LYST: variants seen among roughly 807,000 people sequenced by gnomAD.
LYST encodes lysosomal-trafficking regulator.
Under a neutral mutation model 413.6 loss-of-function variants are expected in LYST, and 192 were observed. The ratio of observed to expected loss-of-function variants is 0.46; its 90% CI spans 0.41 to 0.52. The LOEUF (loss-of-function observed/expected upper bound fraction) is 0.52, where lower values mean the gene tolerates loss of function less well. LYST is among the 20% of genes least tolerant of loss of function. LYST has a pLI of 0.00. For synonymous variants in LYST, 1,525 were observed against 1,567.3 expected (o/e 0.97, Z 0.64); for missense variants, 3,815 against 4,499.9 (o/e 0.85, Z 4.35).
intron 44 of LYST, among the ~76,000 whole-genome samples, chr1:235,706,798 G>A (rs1022889365): frequency 2.0e-5 from 3 of 151,902 alleles, no homozygotes; most frequent in Non-Finnish European, 4.4e-5. Context: ...CTCTTTTCTA[G>A]ATTATAAATC....
At chr1:235,704,527 T>A (rs990949532) in intron 44 of LYST, among the ~76,000 whole-genome samples, 19 of 152,252 alleles carry the variant, frequency 1.2e-4, no homozygotes, top group Admixed American at 6.5e-5. Context: ...CTTTTTTTCA[T>A]ATGTTTGTTG....
At chr1:235,832,025 C>G (rs1311658664) in intron 2 of LYST, among the ~76,000 whole-genome samples, 1 of 152,194 alleles carries the variant, frequency 6.6e-6, no homozygotes, top group African/African-American at 2.4e-5. Flanking sequence ...TGCCACAGCA[C>G]TTAAGAGTAC....
At chr1:235,801,461 C>T (rs1028005279) in intron 8 of LYST, among the ~76,000 whole-genome samples, 1 of 151,620 alleles carries the variant, frequency 6.6e-6, no homozygotes, top group Non-Finnish European at 1.5e-5. Context: ...AATTTGCCTA[C>T]CCAAATCTTT....
At chr1:235,802,004 G>GGCA (rs1280469498) in intron 8 of LYST, among the ~76,000 whole-genome samples, 6 of 151,908 alleles carry the variant, frequency 3.9e-5, no homozygotes, top group African/African-American at 1.5e-4. Context: ...GACTAGCCTG[G>GGCA]GCAACATGGT....
At chr1:235,835,879 C>A (rs997885401) in intron 1 of LYST, among the ~76,000 whole-genome samples, 1 of 152,114 alleles carries the variant, frequency 6.6e-6, no homozygotes, top group African/African-American at 2.4e-5. Flanking sequence ...TACTTTTTAC[C>A]TTTCATAGCT....
intron 17 of LYST, among the ~76,000 whole-genome samples, chr1:235,775,511 T>G (rs1410309422): frequency 3.3e-5 from 5 of 152,182 alleles, no homozygotes; most frequent in Non-Finnish European, 7.3e-5. Flanking sequence ...TGTCCTGCCT[T>G]GTATGTCAAT....
intron 1 of LYST, among the ~76,000 whole-genome samples, chr1:235,860,422 T>G (rs1004022014): frequency 4.6e-5 from 7 of 152,178 alleles, no homozygotes. Context: ...TATCGACAAA[T>G]GTATAATAAC....
chr1:235,833,694 C>A, intron 1 of LYST, 27 bp from the exon 2 acceptor site: 2 of 465,108 alleles, frequency 4.3e-6, no homozygotes, highest in Non-Finnish European at 5.6e-6. Context: ...ATATTAATCA[C>A]AATAGTAAAC....
intron 50 of LYST, among the ~76,000 whole-genome samples, chr1:235,675,616 C>T (rs1659323953): frequency 6.6e-6 from 1 of 152,180 alleles, no homozygotes. Flanking sequence ...AACCCTGACT[C>T]CAGGAGGACA....
At chr1:235,829,737 T>G (rs1436782346) in intron 3 of LYST, 2 of 153,562 alleles carry the variant, frequency 1.3e-5, no homozygotes, top group African/African-American at 4.8e-5. Context: ...CATACCATAC[T>G]TTAAGCCAAA....
chr1:235,757,268 T>C lies in LYST; in HGVS notation c.7059+13A>G, dbSNP rs1220817648. On this transcript the variant is annotated intron_variant, in intron 24 of 52. Coordinates refer to ENST00000389793, the MANE Select transcript of LYST (RefSeq NM_000081.4). ...TTCTGAATTAAAATAACATATCTAG[T>C]ATTTGCCCTTACTTTAATAACACCT... The C allele has an allele frequency of 4.4e-6, 7 of 1,588,356 alleles. No homozygotes were observed. The highest frequency in any genetic ancestry group is 1.7e-5 in the Admixed American group (1 of 59,860).
intron 45 of LYST, among the ~76,000 whole-genome samples, chr1:235,699,860 A>G (rs1218100111): frequency 6.6e-6 from 1 of 152,142 alleles, no homozygotes; most frequent in East Asian, 1.9e-4. Flanking sequence ...ACAGTAACCA[A>G]AACAGTATGA....
rs767705019 is a variant in LYST, at chr1:235,712,043, A to T, written c.9925+14T>A. ...CCCTCAGAAATATAAATTAAAAATA[A>T]TTTATTGCTATACCTTCACGGTTAA... On this transcript the variant is annotated intron_variant, in intron 43 of 52. Transcript: ENST00000389793. The T allele has an allele frequency of 6.6e-7, 1 of 1,512,070 alleles. No homozygotes were observed. Among genetic ancestry groups the T allele is most frequent in the Non-Finnish European group, 8.9e-7 (1 of 1,124,474 alleles). 93.7% of individuals were successfully genotyped at this position (1,512,070 alleles called of 1,614,324 possible). A position where few individuals can be genotyped will look rare whatever the true frequency, so the allele number is the denominator to read the frequency against.
chr1:235,724,671 C>T (rs935426972), intron 38 of LYST, among the ~76,000 whole-genome samples: 4 of 152,222 alleles, frequency 2.6e-5, no homozygotes, highest in Non-Finnish European at 5.9e-5. Flanking sequence ...ACTCCACCTA[C>T]TCATCCCTCC....
intron 28 of LYST, among the ~76,000 whole-genome samples, chr1:235,748,709 T>C (rs1666157664): frequency 6.6e-6 from 1 of 152,194 alleles, no homozygotes; most frequent in African/African-American, 2.4e-5. Context: ...TGAATGAGGT[T>C]GTAAGATTAA....
At chr1:235,707,994 A>T (rs1477170790) in intron 44 of LYST, among the ~76,000 whole-genome samples, 3 of 152,142 alleles carry the variant, frequency 2.0e-5, no homozygotes, top group African/African-American at 7.2e-5. Context: ...GGCACTCAAA[A>T]AGTTTCTGAT....
chr1:235,734,804 A>T (rs1664677316), intron 31 of LYST, 145 bp from the exon 32 acceptor site: 1 of 597,144 alleles, frequency 1.7e-6, no homozygotes, highest in Non-Finnish European at 2.9e-6. Context: ...TCTGAGGATA[A>T]GTACAGAAAT....
At chr1:235,805,624 C>A (rs1672744034) in intron 6 of LYST, 119 bp downstream of exon 6, 2 of 339,376 alleles carry the variant, frequency 5.9e-6, no homozygotes, top group African/African-American at 2.2e-5. Context: ...ATATATAACA[C>A]AATAATATAT....
intron 29 of LYST, among the ~76,000 whole-genome samples, chr1:235,745,469 T>C (rs1665823317): frequency 6.6e-6 from 1 of 152,156 alleles, no homozygotes; most frequent in Admixed American, 6.5e-5. Context: ...TCATACACTG[T>C]TGATGGAAAT....
Sources: gnomAD v4.1 joint callset for allele counts (sites outside exome capture counted in the v4.1 genomes callset) on GRCh38, gnomAD v4.1.1 for gene constraint, MANE v1.5 for transcripts, NCBI Gene and HGNC (gene_info 2026-07-23, HGNC 2026-07-21) for gene names.